Variants in RYR3 observed in about 807,000 individuals in gnomAD.
The protein encoded by RYR3 is ryanodine receptor 3.
Under a neutral mutation model 584.3 loss-of-function variants are expected in RYR3, and 207 were observed. The observed-to-expected ratio is 0.35, with a 90% CI of 0.32 to 0.40. RYR3 has a LOEUF of 0.40. RYR3 is among the 10% of genes least tolerant of loss of function. RYR3 has a pLI of 1.00. For missense variants in RYR3, 5,616 were observed against 6,089.2 expected, an observed-to-expected ratio of 0.92 and a Z score of 2.59; for synonymous variants, 2,416 against 2,248.5, an observed-to-expected ratio of 1.07 and a Z score of -2.11.
chr15:33,783,508 G>T (rs1172321096), intron 65 of RYR3, among the ~76,000 whole-genome samples: 1 of 152,144 alleles, frequency 6.6e-6, no homozygotes, highest in East Asian at 1.9e-4. Context: ...ACTTTTAAAG[G>T]TCATTATAAT....
In RYR3 at chr15:33,390,305, G is replaced by A. The variant is rs1028263301; in HGVS notation, c.51+79209G>A. ...TTGTTTAGTTTGTTCTTTTAGCTGG[G>A]CCCACATGGGCCTCAGTACCAGTAT... is the stretch of plus-strand genomic sequence containing the variant. On this transcript the variant is annotated intron_variant, in intron 1 of 103. Coordinates refer to ENST00000634891, the MANE Select transcript of RYR3 (RefSeq NM_001036.6). This position sits in a 1 kb window ranked among gnomAD's most constrained non-coding sequence, Gnocchi z 4.2. 6.6e-6 allele frequency among the ~76,000 whole-genome samples: 1 copy of A among 152,136 alleles called. No individual in the cohort carries two copies. The highest frequency in any genetic ancestry group is 1.5e-5 in the Non-Finnish European group (1 of 68,020).
chr15:33,860,043 T>A (rs1018377909), intron 100 of RYR3, among the ~76,000 whole-genome samples: 2 of 152,194 alleles, frequency 1.3e-5, no homozygotes, highest in Non-Finnish European at 2.9e-5. Flanking sequence ...CCTCTTCATT[T>A]TCTTCCCAGA....
Position 33,311,841 on chromosome 15 carries a change from C to G in RYR3, c.51+745C>G, listed in dbSNP as rs941914300. Among the ~76,000 whole-genome samples, 2 of 152,212 alleles carry G rather than the reference C, an allele frequency of 1.3e-5. No homozygotes were observed. Among genetic ancestry groups the G allele is most frequent in the Non-Finnish European group, 2.9e-5 (2 of 68,044 alleles). ...CTCCTTGACACCTGAGGGCGCTGCTCCGTCCCAGATTTGGGGGTGAGGGGG... is the reference window on the plus strand; with the variant it reads ...CTCCTTGACACCTGAGGGCGCTGCTGCGTCCCAGATTTGGGGGTGAGGGGG... On this transcript the variant is annotated intron_variant, in intron 1 of 103. Coordinates refer to ENST00000634891, the MANE Select transcript of RYR3 (RefSeq NM_001036.6). This position sits in a 1 kb window ranked among gnomAD's most constrained non-coding sequence, Gnocchi z 4.4.
At chr15:33,315,910 A>C (rs922709379) in intron 1 of RYR3, among the ~76,000 whole-genome samples, 1 of 152,214 alleles carries the variant, frequency 6.6e-6, no homozygotes, top group African/African-American at 2.4e-5. Context: ...AATGCGGCCC[A>C]CTGTATAAGG....
At chr15:33,316,318 T>G (rs543959897) in intron 1 of RYR3, among the ~76,000 whole-genome samples, 1 of 152,306 alleles carries the variant, frequency 6.6e-6, no homozygotes, top group African/African-American at 2.4e-5. Context: ...TTAAAGAATT[T>G]TTAACTTAGA....
chr15:33,626,116 T>C (rs2060971676), intron 20 of RYR3, among the ~76,000 whole-genome samples: 1 of 152,212 alleles, frequency 6.6e-6, no homozygotes, highest in African/African-American at 2.4e-5. Flanking sequence ...CTGACTTAAG[T>C]AATCAGAAAC....
intron 16 of RYR3, among the ~76,000 whole-genome samples, chr15:33,589,486 T>C (rs542990371): frequency 6.6e-6 from 1 of 152,356 alleles, no homozygotes; most frequent in South Asian, 2.1e-4. Context: ...ATCTATTTTT[T>C]GTTTTTGTTG....
At chr15:33,468,471 GT>G (rs1236015756) in intron 1 of RYR3, among the ~76,000 whole-genome samples, 4 of 152,088 alleles carry the variant, frequency 2.6e-5, no homozygotes, top group Non-Finnish European at 4.4e-5. Flanking sequence ...AAGCCTCATT[GT>G]TTTATTTTAA....
At chr15:33,578,804 A>G (rs2058447455) in intron 12 of RYR3, among the ~76,000 whole-genome samples, 1 of 149,564 alleles carries the variant, frequency 6.7e-6, no homozygotes. Context: ...ACTCCTCGTG[A>G]TGTTACTTGC....
At chr15:33,598,214 A>G (rs1338566350) in intron 16 of RYR3, among the ~76,000 whole-genome samples, 1 of 143,494 alleles carries the variant, frequency 7.0e-6, no homozygotes, top group Non-Finnish European at 1.5e-5. Context: ...TGAAAATGGA[A>G]TTCAGTTAAC....
chr15:33,361,943 T>C (rs973784468), intron 1 of RYR3, among the ~76,000 whole-genome samples: 2 of 152,168 alleles, frequency 1.3e-5, no homozygotes, highest in African/African-American at 4.8e-5. Flanking sequence ...CCCAGCATCT[T>C]CCTCAGTGAG....
chr15:33,410,837 G>C (rs1291645658), intron 1 of RYR3, among the ~76,000 whole-genome samples: 1 of 152,194 alleles, frequency 6.6e-6, no homozygotes, highest in Non-Finnish European at 1.5e-5. Flanking sequence ...TGGACTCACA[G>C]TTCCACATGG....
chr15:33,543,735 C>T lies in RYR3; in HGVS notation c.740+20C>T, dbSNP rs748840821. 2.1e-6 allele frequency: 3 copies of T among 1,420,958 alleles called. No homozygotes were observed. The highest frequency in any genetic ancestry group is 2.3e-5 in the South Asian group (2 of 87,294). 88.0% of individuals were successfully genotyped at this position (1,420,958 alleles called of 1,614,324 possible). A position where few individuals can be genotyped will look rare whatever the true frequency, so the allele number is the denominator to read the frequency against. ...GCACAGGTAAGTCAGTAGCTGCATT[C>T]TTCCACTAGCTGTTTCCAGTCTCAA... On this transcript the variant is annotated intron_variant, in intron 8 of 103. Coordinates refer to ENST00000634891, the MANE Select transcript of RYR3 (RefSeq NM_001036.6).
At chr15:33,417,426 G>T (rs1434811224) in intron 1 of RYR3, among the ~76,000 whole-genome samples, 2 of 151,962 alleles carry the variant, frequency 1.3e-5, no homozygotes. Context: ...TGTATTCCTA[G>T]GTATTTTATG....
chr15:33,823,764 G>A (rs998537978), intron 81 of RYR3, among the ~76,000 whole-genome samples: 1 of 152,178 alleles, frequency 6.6e-6, no homozygotes, highest in Non-Finnish European at 1.5e-5. Context: ...TAAGAAAAGT[G>A]TCAGCTTATT....
intron 10 of RYR3, 39 bp downstream of exon 10, chr15:33,550,355 A>G: frequency 6.3e-7 from 1 of 1,576,406 alleles, no homozygotes; most frequent in Non-Finnish European, 8.6e-7. Context: ...CTGTTCTAAA[A>G]GTGAAAACTC....
At chr15:33,487,587 A>C (rs2050567462) in intron 2 of RYR3, among the ~76,000 whole-genome samples, 1 of 152,166 alleles carries the variant, frequency 6.6e-6, no homozygotes, top group South Asian at 2.1e-4. Context: ...GTTCACTAAG[A>C]ATGTTCAATC....
Position 33,496,138 on chromosome 15 carries a change from G to A in RYR3, c.172-7493G>A, listed in dbSNP as rs16971755. 6.5e-3 allele frequency among the ~76,000 whole-genome samples: 992 copies of A among 152,310 alleles called. 7 individuals are homozygous for A. Among genetic ancestry groups the A allele is most frequent in the African/African-American group, 0.023 (943 of 41,570 alleles). ...TTTTCTGCCTAGGAGAGCTTGAGAA[G>A]TCTTCTCATCCATGTCTTTGAGTAG... is the stretch of plus-strand genomic sequence containing the variant. On this transcript the variant is annotated intron_variant, in intron 2 of 103. Transcript: ENST00000634891.
intron 3 of RYR3, among the ~76,000 whole-genome samples, chr15:33,518,412 TG>T (rs1343470883): frequency 3.3e-5 from 5 of 152,204 alleles, no homozygotes; most frequent in African/African-American, 7.2e-5. Context: ...TTTGTGGAGT[TG>T]TTTTTTTTCA....
Sources: allele counts gnomAD v4.1 joint callset (sites outside exome capture counted in the v4.1 genomes callset), GRCh38; gene constraint gnomAD v4.1.1; non-coding constraint Gnocchi (gnomAD v3.1); transcripts MANE v1.5; gene names NCBI Gene and HGNC (gene_info 2026-07-23, HGNC 2026-07-21).